DGKD: variants seen among roughly 807,000 people sequenced by gnomAD.
DGKD encodes the protein DAG kinase delta.
DGKD carries 68 observed loss-of-function variants against 154.4 expected under a neutral mutation model. The ratio of observed to expected loss-of-function variants is 0.44; its 90% CI spans 0.36 to 0.54. The LOEUF (loss-of-function observed/expected upper bound fraction) is 0.54, where lower values mean the gene tolerates loss of function less well. DGKD is among the 20% of genes least tolerant of loss of function. The pLI, the probability that DGKD is intolerant of heterozygous loss-of-function variation, is 0.00. For synonymous variants in DGKD, 693 were observed against 638.0 expected (o/e 1.09, Z -1.30); for missense variants, 1,343 against 1,593.6 (o/e 0.84, Z 2.68).
At chr2:233,465,318 A>G (rs2063791245) in intron 27 of DGKD, among the ~76,000 whole-genome samples, 1 of 152,246 alleles carries the variant, frequency 6.6e-6, no homozygotes, top group Non-Finnish European at 1.5e-5. Flanking sequence ...AATTAAGGCC[A>G]GTAAAGTGGG....
intron 26 of DGKD, among the ~76,000 whole-genome samples, chr2:233,463,120 G>T (rs2063703593): frequency 6.6e-6 from 1 of 152,140 alleles, no homozygotes; most frequent in Non-Finnish European, 1.5e-5. Context: ...AATCACAGGG[G>T]CTAGAACAGG....
At chr2:233,416,406 G>A (rs838737) in intron 3 of DGKD, among the ~76,000 whole-genome samples, 88,058 of 151,952 alleles carry the variant, frequency 0.58, 25,811 homozygotes, top group South Asian at 0.71. Flanking sequence ...TGATTGTTCT[G>A]CCTTGGCCAC....
Position 233,471,167 on chromosome 2 carries a change from CT to C in DGKD, c.*1709del, listed in dbSNP as rs35849001. 6.6e-6 allele frequency: 1 copy of C among 152,356 alleles called. No individual in the cohort carries two copies. The highest frequency in any genetic ancestry group is 2.4e-5 in the African/African-American group (1 of 41,468). 9.4% of individuals were successfully genotyped at this position (152,356 alleles called of 1,614,324 possible). ...TTAGAGTATGGAGGCTGAGCCAGGC[CT>C]TGGGTTTCCCCAGCACAGCCTCCTG... On this transcript the variant is annotated 3_prime_UTR_variant, in exon 30 of 30. Transcript: ENST00000264057.
At position 233,451,189 on chromosome 2, in the gene DGKD, G is replaced by A. The variant is rs148411348; in HGVS notation, c.2167+139G>A. 23 of 906,854 alleles carry A rather than the reference G, an allele frequency of 2.5e-5. No individual in the cohort carries two copies. The East Asian group carries it at 5.4e-4, about 21-fold the overall frequency. The allele number at this position is 906,854 out of a possible 1,614,324, so 56.2% of individuals were successfully genotyped here. A position where few individuals can be genotyped will look rare whatever the true frequency, so the allele number is the denominator to read the frequency against. On this transcript the variant is annotated intron_variant, in intron 17 of 29. Transcript: ENST00000264057. The stretch of plus-strand genomic sequence containing the variant: ...ATAGGTGGAATTGAAAAATTTACAC[G>A]ACTGTATGAAAAGTGCTTTTTTTTT...
chr2:233,374,209 C>T (rs838707), intron 1 of DGKD, among the ~76,000 whole-genome samples: 47,441 of 151,828 alleles, frequency 0.31, 8,616 homozygotes, highest in Middle Eastern at 0.47. Flanking sequence ...TGCTACGATG[C>T]CTGGCTAGTT....
At position 233,405,907 on chromosome 2, in the gene DGKD, G is replaced by A. The variant is rs141631380; in HGVS notation, c.348+15424G>A. ...TATCATGAAGGTAGTGTATGTTAGAGTTAGGTTTAGCTACTGTATTAGTTT... is the reference window on the plus strand; with the variant it reads ...TATCATGAAGGTAGTGTATGTTAGAATTAGGTTTAGCTACTGTATTAGTTT... On this transcript the variant is annotated intron_variant, in intron 3 of 29. Coordinates refer to ENST00000264057, the MANE Select transcript of DGKD (RefSeq NM_152879.3). Among the ~76,000 whole-genome samples the A allele has an allele frequency of 1.7e-3, 262 of 152,352 alleles. 1 individual carries two copies. The highest frequency in any genetic ancestry group is 4.7e-3 in the Admixed American group (72 of 15,306).
chr2:233,447,671 GA>G (rs2063129005), intron 12 of DGKD: 1 of 1,027,736 alleles, frequency 9.7e-7, no homozygotes, highest in Non-Finnish European at 1.2e-6. Context: ...AGCCAGAACA[GA>G]TGGTGGGGGC....
At position 233,457,306 on chromosome 2, in the gene DGKD, G is replaced by T. The variant is rs780921842; in HGVS notation, c.2558G>T (p.Trp853Leu). ...AGCTATGCCGGAGGAACCAACTTCT[G>T]GGGGGGTACCAAGGAAGATGATGTA... ...IPSYAGGTNFWGGTKEDDTFA... is the reference protein window; with the variant it reads ...IPSYAGGTNFLGGTKEDDTFA... The change falls in exon 21 of 30, where the codon TGG (tryptophan) becomes TTG (leucine). Residue 853 changes from tryptophan (W) to leucine (L), a missense_variant. Physicochemically the swap from Trp to Leu is moderately conservative, Grantham distance 61 (BLOSUM62 -2). Coordinates refer to ENST00000264057, the MANE Select transcript of DGKD (RefSeq NM_152879.3). The surrounding 1 kb of genome is among the most constrained non-coding windows in gnomAD (Gnocchi z 5.5). 3.3e-6 allele frequency: 5 copies of T among 1,534,096 alleles called. No individual in the cohort carries two copies. The highest frequency in any genetic ancestry group is 2.0e-5 in the Admixed American group (1 of 49,694).
At chr2:233,393,344 T>TC (rs1451557671) in intron 3 of DGKD, among the ~76,000 whole-genome samples, 1 of 149,414 alleles carries the variant, frequency 6.7e-6, no homozygotes, top group Non-Finnish European at 1.5e-5. Context: ...CTTTTTTTTT[T>TC]TTTTTTTTTT....
At chr2:233,386,591 G>A (rs890370333) in intron 1 of DGKD, among the ~76,000 whole-genome samples, 1 of 152,080 alleles carries the variant, frequency 6.6e-6, no homozygotes, top group Non-Finnish European at 1.5e-5. Flanking sequence ...GCAAACAAGC[G>A]TCATCAGAAT....
At chr2:233,410,264 G>T (rs370528217) in intron 3 of DGKD, among the ~76,000 whole-genome samples, 1 of 152,180 alleles carries the variant, frequency 6.6e-6, no homozygotes, top group Admixed American at 6.5e-5. Context: ...GAAGAAAGAG[G>T]GGGGGCTCAA....
chr2:233,415,297 A>G (rs978958533), intron 3 of DGKD, among the ~76,000 whole-genome samples: 1 of 152,238 alleles, frequency 6.6e-6, no homozygotes, highest in Non-Finnish European at 1.5e-5. Context: ...AAATAGGAGT[A>G]GGGTACGTTA....
chr2:233,378,152 G>A (rs949775232), intron 1 of DGKD, among the ~76,000 whole-genome samples: 10 of 150,680 alleles, frequency 6.6e-5, no homozygotes, highest in East Asian at 2.0e-4. Flanking sequence ...GGTGGCTCAC[G>A]CCTGTAATCC....
chr2:233,388,216 C>A, intron 1 of DGKD, 41 bp from the exon 2 acceptor site: 2 of 1,594,794 alleles, frequency 1.3e-6, no homozygotes, highest in South Asian at 1.1e-5. Context: ...GAAAGGGCAC[C>A]TTGAAAACGC....
Position 233,459,461 on chromosome 2 carries a change from A to T in DGKD, c.2695-296A>T, listed in dbSNP as rs1575165765. On this transcript the variant is annotated intron_variant, in intron 22 of 29. Transcript: ENST00000264057. This position sits in a 1 kb window ranked among gnomAD's most constrained non-coding sequence, Gnocchi z 5.7. ...CCCAGTGGCTTCTGGGAGCTACAAC[A>T]CCCCTGCCCCTGGGTTCTGACACCT... is the stretch of plus-strand genomic sequence containing the variant. 7.4e-6 allele frequency among the ~76,000 whole-genome samples: 1 copy of T among 135,378 alleles called. No homozygotes were observed. Among genetic ancestry groups the T allele is most frequent in the Non-Finnish European group, 1.6e-5 (1 of 64,092 alleles). 88.8% of individuals were successfully genotyped at this position (135,378 alleles called of 152,430 possible).
intron 3 of DGKD, among the ~76,000 whole-genome samples, chr2:233,433,896 G>T (rs997845541): frequency 6.6e-6 from 1 of 152,034 alleles, no homozygotes; most frequent in Non-Finnish European, 1.5e-5. Flanking sequence ...AGTTGTTCAG[G>T]TCCTGCATAG....
Position 233,459,707 on chromosome 2 carries a change from C to G in DGKD, c.2695-50C>G. ...TGGTGGTGCTGATAGCACTTTTAAA[C>G]CCCTGGGGGTTTTGGCTCAGCATGA... On this transcript the variant is annotated intron_variant, in intron 22 of 29. Coordinates refer to ENST00000264057, the MANE Select transcript of DGKD (RefSeq NM_152879.3). The surrounding 1 kb of genome is among the most constrained non-coding windows in gnomAD (Gnocchi z 5.7). 6.3e-7 allele frequency: 1 copy of G among 1,596,068 alleles called. No individual in the cohort carries two copies. Among genetic ancestry groups the G allele is most frequent in the Non-Finnish European group, 8.5e-7 (1 of 1,170,104 alleles).
In DGKD at chr2:233,454,935, A is replaced by G. The variant is rs560052978; in HGVS notation, c.2375+62A>G. ...GTCTTTGTGGCTTCTCCTTCCAGAC[A>G]GTAGCAGATTTCTGGAGTCAGCAGG... On this transcript the variant is annotated intron_variant, in intron 19 of 29. Coordinates refer to ENST00000264057, the MANE Select transcript of DGKD (RefSeq NM_152879.3). 3.7e-5 allele frequency: 40 copies of G among 1,067,780 alleles called. 1 individual carries two copies. In the South Asian group the frequency reaches 4.6e-4, roughly 12 times the overall value. The allele number at this position is 1,067,780 out of a possible 1,614,324, so 66.1% of individuals were successfully genotyped here.
chr2:233,409,797 T>TG lies in DGKD; in HGVS notation c.348+19314_348+19315insG, dbSNP rs1453614702. Among the ~76,000 whole-genome samples, 5 of 142,282 alleles carry TG rather than the reference T, an allele frequency of 3.5e-5. No individual in the cohort carries two copies. In the South Asian group the frequency reaches 1.2e-3, roughly 34 times the overall value. 93.3% of individuals were successfully genotyped at this position (142,282 alleles called of 152,430 possible). Reference sequence around the variant, plus strand: ...TGATCCCCCCATACCGTTTTTTTTTTTTTTTTTTTTTTTTTTTTTAAGACA... The same window carrying TG: ...TGATCCCCCCATACCGTTTTTTTTTTGTTTTTTTTTTTTTTTTTTTAAGACA... On this transcript the variant is annotated intron_variant, in intron 3 of 29. Coordinates refer to ENST00000264057, the MANE Select transcript of DGKD (RefSeq NM_152879.3).
Sources: allele counts gnomAD v4.1 joint callset (sites outside exome capture counted in the v4.1 genomes callset), GRCh38; gene constraint gnomAD v4.1.1; non-coding constraint Gnocchi (gnomAD v3.1); transcripts MANE v1.5; gene names NCBI Gene and HGNC (gene_info 2026-07-23, HGNC 2026-07-21).